XKR9: variants seen among roughly 807,000 people sequenced by gnomAD.
XKR9 encodes the protein XK related 9, also known as XK-related protein 9.
XKR9 carries 32 observed loss-of-function variants against 32.0 expected under a neutral mutation model. That is an observed-to-expected ratio of 1.00 (90% CI 0.76 to 1.34). The LOEUF is 1.34. Ranked by LOEUF, XKR9 falls within the 40% of genes most tolerant of loss-of-function variation. The probability of loss-of-function intolerance (pLI) is 0.00; values close to 1 mark genes in which losing one functional copy is unlikely to be tolerated. For missense variants in XKR9, 546 were observed against 429.7 expected (o/e 1.27, Z -2.39); for synonymous variants, 168 against 143.4 (o/e 1.17, Z -1.22).
chr8:70,824,495 A>G, the XKR9 span, among the ~76,000 whole-genome samples: 13 of 152,024 alleles, frequency 8.6e-5, no homozygotes. Flanking sequence ...AATGCCTTTT[A>G]CTACTTCAGG....
the XKR9 span, among the ~76,000 whole-genome samples, chr8:71,062,242 G>C: frequency 6.6e-6 from 1 of 152,116 alleles, no homozygotes; most frequent in Admixed American, 6.6e-5. Flanking sequence ...AGTCTATTCA[G>C]GATGCTATAA....
At chr8:70,982,769 T>G in the XKR9 span, among the ~76,000 whole-genome samples, 1 of 152,310 alleles carries the variant, frequency 6.6e-6, no homozygotes, top group East Asian at 1.9e-4. Flanking sequence ...GATGTGAGTC[T>G]CCACACACTG....
the XKR9 span, among the ~76,000 whole-genome samples, chr8:70,859,811 T>A: frequency 1.3e-5 from 2 of 152,204 alleles, no homozygotes; most frequent in East Asian, 3.9e-4. Flanking sequence ...GATAGTAGAA[T>A]GATAGCTACC....
At chr8:70,889,321 C>T in the XKR9 span, among the ~76,000 whole-genome samples, 1 of 151,586 alleles carries the variant, frequency 6.6e-6, no homozygotes, top group Non-Finnish European at 1.5e-5. Context: ...CAAATTTACT[C>T]AATTTGTCAG....
chr8:71,019,607 T>G, the XKR9 span, among the ~76,000 whole-genome samples: 5 of 152,190 alleles, frequency 3.3e-5, no homozygotes, highest in South Asian at 2.1e-4. Flanking sequence ...TCTTTTATGT[T>G]TTTGTTAAAT....
At chr8:70,890,585 G>T in the XKR9 span, among the ~76,000 whole-genome samples, 1 of 151,892 alleles carries the variant, frequency 6.6e-6, no homozygotes, top group Non-Finnish European at 1.5e-5. Flanking sequence ...CCTTCATTTT[G>T]TTGATAGGAA....
At chr8:71,051,745 A>G in the XKR9 span, among the ~76,000 whole-genome samples, 1 of 152,252 alleles carries the variant, frequency 6.6e-6, no homozygotes, top group East Asian at 1.9e-4. Context: ...GATAATAGAA[A>G]CAGCTTAAAC....
intron 3 of XKR9, among the ~76,000 whole-genome samples, chr8:70,692,309 C>G (rs1005330935): frequency 2.0e-5 from 3 of 151,952 alleles, no homozygotes; most frequent in Non-Finnish European, 2.9e-5. Context: ...GCTGAAGGAG[C>G]TTTTGGGCCA....
the XKR9 span, among the ~76,000 whole-genome samples, chr8:71,005,066 A>ACCT: frequency 1.3e-5 from 1 of 75,848 alleles, no homozygotes; most frequent in Admixed American, 1.7e-4. Context: ...GCTGGTCTTG[A>ACCT]ACTGGCTTCC....
chr8:70,670,059 C>T (rs1372839123), intron 1 of XKR9, among the ~76,000 whole-genome samples: 3 of 152,180 alleles, frequency 2.0e-5, no homozygotes, highest in Non-Finnish European at 4.4e-5. Context: ...TCCGACTTAA[C>T]GCCCTTAATC....
chr8:70,687,543 A>AT (rs1297885562), intron 3 of XKR9, among the ~76,000 whole-genome samples: 2 of 151,342 alleles, frequency 1.3e-5, no homozygotes, highest in Non-Finnish European at 2.9e-5. Context: ...CTAATTTTTT[A>AT]TTTTTTTGTA....
chr8:70,758,905 G>A (rs1807267126), intron 2 of XKR9, among the ~76,000 whole-genome samples: 1 of 152,194 alleles, frequency 6.6e-6, no homozygotes, highest in Non-Finnish European at 1.5e-5. Context: ...GGTTGGTTTA[G>A]AGGCAGTCTC....
At chr8:71,017,658 C>G in the XKR9 span, among the ~76,000 whole-genome samples, 1 of 152,332 alleles carries the variant, frequency 6.6e-6, no homozygotes, top group African/African-American at 2.4e-5. Flanking sequence ...TCAGGACAGA[C>G]AGAGACTCCT....
intron 2 of XKR9, among the ~76,000 whole-genome samples, chr8:70,758,637 C>G (rs1421910115): frequency 6.6e-6 from 1 of 152,192 alleles, no homozygotes; most frequent in Non-Finnish European, 1.5e-5. Flanking sequence ...TAAACATTGT[C>G]CTATGATACA....
chr8:70,829,000 A>G, the XKR9 span, among the ~76,000 whole-genome samples: 1 of 152,212 alleles, frequency 6.6e-6, no homozygotes, highest in Non-Finnish European at 1.5e-5. Context: ...TTTTTCTCCA[A>G]AAATGGAAAT....
the XKR9 span, among the ~76,000 whole-genome samples, chr8:70,954,038 T>A: frequency 2.9e-3 from 441 of 152,004 alleles, 2 homozygotes; most frequent in African/African-American, 0.01. Context: ...TGGGGAAAAT[T>A]TTTTTTAAAA....
chr8:70,874,034 C>T, the XKR9 span, among the ~76,000 whole-genome samples: 5 of 152,290 alleles, frequency 3.3e-5, no homozygotes, highest in African/African-American at 1.2e-4. Flanking sequence ...ATTGAAGGCT[C>T]AGATTGTTGT....
At position 70,669,512 on chromosome 8, in the gene XKR9, G is replaced by C. The variant is rs1818622280; in HGVS notation, c.-387G>C. On this transcript the variant is annotated 5_prime_UTR_variant, in exon 1 of 5. Coordinates refer to ENST00000408926, the MANE Select transcript of XKR9 (RefSeq NM_001011720.2). ...AAGTGGGCGAGAGACATTTTAATCT[G>C]GAAGAGTCTTGTGATTTGGGAGACA... is the stretch of plus-strand genomic sequence containing the variant. 1 of 230,304 alleles carries C rather than the reference G, an allele frequency of 4.3e-6. No individual in the cohort carries two copies. The highest frequency in any genetic ancestry group is 2.4e-5 in the African/African-American group (1 of 42,510). 14.3% of individuals were successfully genotyped at this position (230,304 alleles called of 1,614,324 possible).
the XKR9 span, among the ~76,000 whole-genome samples, chr8:70,894,426 G>A: frequency 1.1e-4 from 16 of 152,116 alleles, no homozygotes; most frequent in Non-Finnish European, 8.8e-5. Flanking sequence ...CCTGTAGGGT[G>A]AGGTGTCTCA....
Sources: allele counts gnomAD v4.1 joint callset (sites outside exome capture counted in the v4.1 genomes callset), GRCh38; gene constraint gnomAD v4.1.1; transcripts MANE v1.5; gene names NCBI Gene and HGNC (gene_info 2026-07-23, HGNC 2026-07-21).